The following HS3ST3B1 variants were observed in gnomAD, a reference collection of about 807,000 sequenced individuals.
HS3ST3B1 encodes the protein heparan sulfate-glucosamine 3-sulfotransferase 3B1, also known as heparan sulfate glucosamine 3-O-sulfotransferase 3B1.
HS3ST3B1 carries 13 observed loss-of-function variants against 21.3 expected under a neutral mutation model. The ratio of observed to expected loss-of-function variants is 0.61; its 90% CI spans 0.40 to 0.97. The LOEUF (loss-of-function observed/expected upper bound fraction) is 0.97. Among genes scored for constraint, HS3ST3B1 ranks in the 50% least tolerant of loss-of-function variants. The pLI is 0.00. For synonymous variants in HS3ST3B1, 234 were observed against 254.8 expected (o/e 0.92, Z 0.78); for missense variants, 459 against 554.8 (o/e 0.83, Z 1.73).
intron 1 of HS3ST3B1, among the ~76,000 whole-genome samples, chr17:14,315,399 G>A (rs886175590): frequency 3.3e-5 from 5 of 152,182 alleles, no homozygotes; most frequent in African/African-American, 9.7e-5. Context: ...GGATGCTGTC[G>A]CAATGTCAAA....
chr17:14,337,074 A>G (rs541980603), intron 1 of HS3ST3B1, among the ~76,000 whole-genome samples: 1 of 152,286 alleles, frequency 6.6e-6, no homozygotes, highest in South Asian at 2.1e-4. Context: ...CATAAATTAG[A>G]CAATCTAATA....
intron 1 of HS3ST3B1, among the ~76,000 whole-genome samples, chr17:14,308,956 G>T (rs1206353128): frequency 6.6e-6 from 1 of 152,172 alleles, no homozygotes; most frequent in African/African-American, 2.4e-5. Flanking sequence ...CAAATGGAGA[G>T]TGAAAAAAAC....
Position 14,349,380 on chromosome 17 carries a change from G to C in HS3ST3B1, c.*3734G>C, listed in dbSNP as rs1910661971. The C allele has an allele frequency of 6.6e-6, 1 of 152,254 alleles. No individual in the cohort carries two copies. The highest frequency in any genetic ancestry group is 2.4e-5 in the African/African-American group (1 of 41,558). 9.4% of individuals were successfully genotyped at this position (152,254 alleles called of 1,614,324 possible). A position where few individuals can be genotyped will look rare whatever the true frequency, so the allele number is the denominator to read the frequency against. ...GGTAATTCATACTATTTCTTTGTAT[G>C]AACAAATAAAATATATTTTGCCAAC... On this transcript the variant is annotated 3_prime_UTR_variant, in exon 2 of 2. Coordinates refer to ENST00000360954, the MANE Select transcript of HS3ST3B1 (RefSeq NM_006041.3).
At chr17:14,306,948 G>A (rs1198420531) in intron 1 of HS3ST3B1, among the ~76,000 whole-genome samples, 4 of 152,074 alleles carry the variant, frequency 2.6e-5, no homozygotes, top group African/African-American at 9.7e-5. Flanking sequence ...TTTTAATTAG[G>A]CACCTAAATT....
At chr17:14,317,453 G>A (rs58793271) in intron 1 of HS3ST3B1, among the ~76,000 whole-genome samples, 9,165 of 152,232 alleles carry the variant, frequency 0.06, 457 homozygotes, top group Admixed American at 0.15. Context: ...TGGTCGAGGG[G>A]CCATGGTGAG....
intron 1 of HS3ST3B1, chr17:14,327,557 A>T (rs1210328139): frequency 6.6e-6 from 1 of 152,216 alleles, no homozygotes; most frequent in African/African-American, 2.4e-5. Flanking sequence ...GGGTGTGATG[A>T]TACATGTATG....
rs1432518086 is a variant in HS3ST3B1, at chr17:14,347,910, T to A, written c.*2264T>A. On this transcript the variant is annotated 3_prime_UTR_variant, in exon 2 of 2. Coordinates refer to ENST00000360954, the MANE Select transcript of HS3ST3B1 (RefSeq NM_006041.3). Reference sequence around the variant, plus strand: ...GTGGTTCTGCCTTCTTGATGAGTGATTGTGAAAAACACCTGCATAAGGGTG... The same window carrying A: ...GTGGTTCTGCCTTCTTGATGAGTGAATGTGAAAAACACCTGCATAAGGGTG... 1 of 152,224 alleles carries A rather than the reference T, an allele frequency of 6.6e-6. No individual in the cohort carries two copies. The highest frequency in any genetic ancestry group is 1.5e-5 in the Non-Finnish European group (1 of 68,030). 9.4% of individuals were successfully genotyped at this position (152,224 alleles called of 1,614,324 possible).
At chr17:14,342,874 G>T (rs544548370) in intron 1 of HS3ST3B1, among the ~76,000 whole-genome samples, 3 of 152,266 alleles carry the variant, frequency 2.0e-5, no homozygotes, top group East Asian at 1.9e-4. Flanking sequence ...TCCTTTAAAA[G>T]AATATATGTG....
intron 1 of HS3ST3B1, among the ~76,000 whole-genome samples, chr17:14,310,003 G>T (rs1279391715): frequency 3.3e-5 from 5 of 152,198 alleles, no homozygotes; most frequent in Non-Finnish European, 7.3e-5. Flanking sequence ...TTTCTCTTTG[G>T]GGGGAAGAAA....
In HS3ST3B1 at chr17:14,316,478, T is replaced by G. The variant is rs1473709129; in HGVS notation, c.554+14406T>G. 3.3e-5 allele frequency among the ~76,000 whole-genome samples: 5 copies of G among 152,312 alleles called. 1 individual carries two copies. The South Asian group carries it at 8.3e-4, about 25-fold the overall frequency. On this transcript the variant is annotated intron_variant, in intron 1 of 1. Transcript: ENST00000360954. ...TATGTCTGTTTTCAAAGGTAAGTGT[T>G]CTGTGTCGGTGGTGTTTATGGAGCA...
In HS3ST3B1 at chr17:14,345,741, A is replaced by G; in HGVS notation, c.*95A>G. ...ACAGAAATCTATTTTATAATAATTT[A>G]TTTTTAATTCATAAGCAATTAATTC... is the stretch of plus-strand genomic sequence containing the variant. On this transcript the variant is annotated 3_prime_UTR_variant, in exon 2 of 2. Transcript: ENST00000360954. 1.4e-6 allele frequency: 2 copies of G among 1,421,846 alleles called. No homozygotes were observed. Among genetic ancestry groups the G allele is most frequent in the East Asian group, 2.5e-5 (1 of 39,484 alleles). The allele number at this position is 1,421,846 out of a possible 1,614,324, so 88.1% of individuals were successfully genotyped here.
At chr17:14,323,205 C>T (rs754263466) in intron 1 of HS3ST3B1, among the ~76,000 whole-genome samples, 7 of 152,002 alleles carry the variant, frequency 4.6e-5, no homozygotes, top group East Asian at 1.9e-4. Context: ...CGCACCTGGC[C>T]GTGTATATGT....
chr17:14,330,321 A>G (rs1909969705), intron 1 of HS3ST3B1, among the ~76,000 whole-genome samples: 3 of 152,114 alleles, frequency 2.0e-5, no homozygotes, highest in Admixed American at 6.6e-5. Flanking sequence ...GGGTGGGAGA[A>G]AGGGTGGTTA....
intron 1 of HS3ST3B1, among the ~76,000 whole-genome samples, chr17:14,313,171 T>C (rs1909386284): frequency 6.6e-6 from 1 of 151,316 alleles, no homozygotes; most frequent in African/African-American, 2.4e-5. Flanking sequence ...GGTTTCACCA[T>C]ATTGGCCAGG....
At chr17:14,330,983 C>G (rs963934927) in intron 1 of HS3ST3B1, among the ~76,000 whole-genome samples, 17 of 152,302 alleles carry the variant, frequency 1.1e-4, no homozygotes, top group African/African-American at 4.1e-4. Flanking sequence ...TCAACTGCAG[C>G]TGGATTTTGG....
rs1002663023 is a variant in HS3ST3B1 at position 14,332,370 on chromosome 17, G to A, written c.555-12658G>A. On this transcript the variant is annotated intron_variant, in intron 1 of 1. Transcript: ENST00000360954. ...TTTTCTTTTGAAAATGCTTTAACAC[G>A]TTGGTCTGAAGTACCAGATGCCCTC... 4.0e-5 allele frequency among the ~76,000 whole-genome samples: 6 copies of A among 151,826 alleles called. No homozygotes were observed. In the East Asian group the frequency reaches 1.2e-3, roughly 29 times the overall value.
chr17:14,327,018 C>T (rs1178787993), intron 1 of HS3ST3B1, among the ~76,000 whole-genome samples: 3 of 150,840 alleles, frequency 2.0e-5, no homozygotes, highest in Non-Finnish European at 2.9e-5. Flanking sequence ...TTCTCATTTT[C>T]GAGTCAAGTG....
At chr17:14,309,752 A>G (rs1909247863) in intron 1 of HS3ST3B1, among the ~76,000 whole-genome samples, 1 of 151,774 alleles carries the variant, frequency 6.6e-6, no homozygotes, top group Non-Finnish European at 1.5e-5. Flanking sequence ...TGGAGCGGAG[A>G]TGTCTGTTCT....
chr17:14,319,809 A>T lies in HS3ST3B1; in HGVS notation c.554+17737A>T, dbSNP rs529193480. 2.0e-5 allele frequency among the ~76,000 whole-genome samples: 3 copies of T among 151,802 alleles called. No individual in the cohort carries two copies. In the South Asian group the frequency reaches 6.3e-4, roughly 32 times the overall value. On this transcript the variant is annotated intron_variant, in intron 1 of 1. Coordinates refer to ENST00000360954, the MANE Select transcript of HS3ST3B1 (RefSeq NM_006041.3). ...TTTTTTATTTCAATAGTTTTTGGGG[A>T]AAAGGTGGTGTTTGGCTACATGGAT...
Sources: gnomAD v4.1 joint callset for allele counts (sites outside exome capture counted in the v4.1 genomes callset) on GRCh38, gnomAD v4.1.1 for gene constraint, MANE v1.5 for transcripts, NCBI Gene and HGNC (gene_info 2026-07-23, HGNC 2026-07-21) for gene names.